LINGO2: variants seen among roughly 807,000 people sequenced by gnomAD.
The protein encoded by LINGO2 is leucine rich repeat and Ig domain containing 2.
In LINGO2, 14 loss-of-function variants were observed where a neutral mutation model predicts 30.6. The ratio of observed to expected loss-of-function variants is 0.46; its 90% CI spans 0.30 to 0.72. The LOEUF (loss-of-function observed/expected upper bound fraction) is 0.72. Ranked by LOEUF, LINGO2 falls within the 30% of genes least tolerant of loss-of-function variation. The pLI is 0.07. For missense variants in LINGO2, 729 were observed against 751.7 expected (o/e 0.97, Z 0.35); for synonymous variants, 317 against 288.5 (o/e 1.10, Z -1.00).
chr9:28,640,870 G>A (rs1017136296), intron 1 of LINGO2, among the ~76,000 whole-genome samples: 1 of 152,148 alleles, frequency 6.6e-6, no homozygotes, highest in African/African-American at 2.4e-5. Flanking sequence ...TGCTGGTGAG[G>A]AGCTACGTTC....
intron 1 of LINGO2, among the ~76,000 whole-genome samples, chr9:28,503,407 C>G (rs114347889): frequency 6.6e-6 from 1 of 151,964 alleles, no homozygotes; most frequent in East Asian, 1.9e-4. Flanking sequence ...TGTGCTTCCA[C>G]GTGGAACACA....
At chr9:27,965,423 G>GC (rs1820052855) in intron 5 of LINGO2, among the ~76,000 whole-genome samples, 1 of 138,230 alleles carries the variant, frequency 7.2e-6, no homozygotes, top group Non-Finnish European at 1.6e-5. Context: ...TTTAAAAATA[G>GC]AAAAAAAAAA....
the LINGO2 span, among the ~76,000 whole-genome samples, chr9:28,821,380 G>C: frequency 1.3e-5 from 2 of 152,200 alleles, no homozygotes; most frequent in Non-Finnish European, 2.9e-5. Context: ...AAAAACAAAT[G>C]AGCAAGGGAA....
chr9:28,665,669 T>A (rs1310950362), intron 1 of LINGO2, among the ~76,000 whole-genome samples: 2 of 152,172 alleles, frequency 1.3e-5, no homozygotes, highest in African/African-American at 4.8e-5. Flanking sequence ...AGTTTTGGTT[T>A]AGTGAAAGCA....
chr9:28,584,216 A>C (rs1284861911), intron 1 of LINGO2, among the ~76,000 whole-genome samples: 1 of 152,030 alleles, frequency 6.6e-6, no homozygotes, highest in African/African-American at 2.4e-5. Context: ...TTCTTACTTT[A>C]GTATTTATAC....
chr9:28,016,630 C>G (rs1331167660), intron 4 of LINGO2, among the ~76,000 whole-genome samples: 2 of 140,100 alleles, frequency 1.4e-5, no homozygotes, highest in Non-Finnish European at 3.0e-5. Flanking sequence ...AAGACTGAAC[C>G]AGGAAGACAC....
chr9:27,957,558 G>A (rs1563855267), intron 5 of LINGO2, among the ~76,000 whole-genome samples: 2 of 152,166 alleles, frequency 1.3e-5, no homozygotes, highest in Admixed American at 1.3e-4. Context: ...TCCCCAAAGT[G>A]CTGGGATTAC....
Position 28,579,069 on chromosome 9 carries a change from T to TTG in LINGO2, c.-365+91130_-365+91131insCA, listed in dbSNP as rs576796969. ...TTTAAATCATAAGAGCTCTTTTTTT[T>TTG]TTGTTTCTACAGCTACACAGTATGT... On this transcript the variant is annotated intron_variant, in intron 1 of 5. Transcript: ENST00000379992. Among the ~76,000 whole-genome samples, 39 of 151,688 alleles carry TTG rather than the reference T, an allele frequency of 2.6e-4. No individual in the cohort carries two copies. The East Asian group carries it at 3.1e-3, about 12-fold the overall frequency.
At chr9:29,143,051 GA>G in the LINGO2 span, among the ~76,000 whole-genome samples, 2 of 122,204 alleles carry the variant, frequency 1.6e-5, no homozygotes, top group East Asian at 3.0e-4. Flanking sequence ...ATAGTAGTGA[GA>G]AAAAAAGTAA....
intron 4 of LINGO2, among the ~76,000 whole-genome samples, chr9:28,193,644 T>C (rs1819899876): frequency 1.3e-5 from 2 of 152,324 alleles, no homozygotes. Flanking sequence ...TTGTTCTACT[T>C]AGCGATTGCT....
At chr9:29,130,642 A>G in the LINGO2 span, among the ~76,000 whole-genome samples, 4 of 152,152 alleles carry the variant, frequency 2.6e-5, no homozygotes, top group African/African-American at 9.7e-5. Context: ...ACACTCTAAT[A>G]AAATATCTAG....
chr9:29,162,840 A>G, the LINGO2 span, among the ~76,000 whole-genome samples: 3 of 152,146 alleles, frequency 2.0e-5, no homozygotes, highest in African/African-American at 7.2e-5. Flanking sequence ...TTCTACTTGA[A>G]ACTAGCAGCA....
the LINGO2 span, among the ~76,000 whole-genome samples, chr9:28,958,338 A>T: frequency 6.6e-6 from 1 of 152,218 alleles, no homozygotes; most frequent in Non-Finnish European, 1.5e-5. Context: ...TCAAATTATT[A>T]ACAAAATATT....
At chr9:28,878,286 AG>A in the LINGO2 span, among the ~76,000 whole-genome samples, 1 of 152,140 alleles carries the variant, frequency 6.6e-6, no homozygotes, top group Non-Finnish European at 1.5e-5. Flanking sequence ...AGACTAAACC[AG>A]GAAGAAGTTG....
chr9:28,368,788 G>C (rs965872707), intron 3 of LINGO2, among the ~76,000 whole-genome samples: 2 of 129,958 alleles, frequency 1.5e-5, no homozygotes, highest in African/African-American at 5.9e-5. Context: ...AGTGGAGACG[G>C]GGTTTCACCG....
chr9:28,199,551 G>C (rs1202491620), intron 4 of LINGO2, among the ~76,000 whole-genome samples: 2 of 152,024 alleles, frequency 1.3e-5, no homozygotes, highest in Non-Finnish European at 2.9e-5. Flanking sequence ...TGTTAGCCAG[G>C]ATGGCCTCGA....
chr9:28,651,379 G>A (rs962936111), intron 1 of LINGO2, among the ~76,000 whole-genome samples: 5 of 152,082 alleles, frequency 3.3e-5, no homozygotes, highest in Non-Finnish European at 7.4e-5. Context: ...AGAGTCACAT[G>A]ATTAATAAAC....
intron 2 of LINGO2, among the ~76,000 whole-genome samples, chr9:28,445,819 T>A (rs1285924574): frequency 6.6e-6 from 1 of 152,220 alleles, no homozygotes; most frequent in Non-Finnish European, 1.5e-5. Flanking sequence ...ATCCTGTGGC[T>A]ATAATTCCTT....
chr9:28,073,315 A>G (rs1476818181), intron 4 of LINGO2, among the ~76,000 whole-genome samples: 1 of 152,200 alleles, frequency 6.6e-6, no homozygotes, highest in African/African-American at 2.4e-5. Context: ...GGATGAAAAT[A>G]ACTAGCCTAC....
Sources: gnomAD v4.1 joint callset for allele counts (sites outside exome capture counted in the v4.1 genomes callset) on GRCh38, gnomAD v4.1.1 for gene constraint, MANE v1.5 for transcripts, NCBI Gene and HGNC (gene_info 2026-07-23, HGNC 2026-07-21) for gene names.